E2F5: variants seen among roughly 807,000 people sequenced by gnomAD.
The protein encoded by E2F5 is E2F transcription factor 5, also known as transcription factor E2F5.
A neutral mutation model predicts 39.1 loss-of-function variants in E2F5; 23 were observed. The observed-to-expected ratio is 0.59, with a 90% confidence interval of 0.42 to 0.83. The LOEUF is 0.83. E2F5 is among the 40% of genes least tolerant of loss of function. The pLI is 0.00. For missense variants in E2F5, 365 were observed against 406.7 expected, an observed-to-expected ratio of 0.90 and a Z score of 0.88; for synonymous variants, 145 against 157.8, an observed-to-expected ratio of 0.92 and a Z score of 0.61.
At chr8:85,212,079 G>C in intron 6 of E2F5, 78 bp from the exon 7 acceptor site, 1 of 1,119,740 alleles carries the variant, frequency 8.9e-7, no homozygotes, top group Non-Finnish European at 1.3e-6. Flanking sequence ...TCAAGCTGCT[G>C]CTGTGACTAC....
chr8:85,206,177 A>C lies in E2F5; in HGVS notation c.507A>C (p.Arg169Ser). 2 of 1,613,092 alleles carry C rather than the reference A, an allele frequency of 1.2e-6. No individual in the cohort carries two copies. The highest frequency in any genetic ancestry group is 1.1e-5 in the South Asian group (1 of 91,052). ...KNVMDDSINNRFSYVTHEDIC... is the reference protein window; with the variant it reads ...KNVMDDSINNSFSYVTHEDIC... Reference sequence around the variant, plus strand: ...CGTTCCTTAACTCCTATGACAGTACATTTTCCTATGTAACTCATGAAGACA... The same window carrying C: ...CGTTCCTTAACTCCTATGACAGTACCTTTTCCTATGTAACTCATGAAGACA... Residue 169 changes from arginine (R) to serine (S), a missense_variant and splice_region_variant, in exon 4 of 8, where the codon AGA becomes AGC. By Grantham distance (110) the Arg-to-Ser change is moderately radical (BLOSUM62 -1). Coordinates refer to ENST00000416274, the MANE Select transcript of E2F5 (RefSeq NM_001951.4).
At chr8:85,186,813 G>T (rs1445416569) in intron 1 of E2F5, among the ~76,000 whole-genome samples, 1 of 145,874 alleles carries the variant, frequency 6.9e-6, no homozygotes, top group Non-Finnish European at 1.5e-5. Context: ...GTATATATAA[G>T]GTGTATATAT....
intron 5 of E2F5, 42 bp from the exon 6 acceptor site, chr8:85,209,100 T>C (rs1366556121): frequency 3.2e-6 from 5 of 1,585,730 alleles, no homozygotes; most frequent in Non-Finnish European, 4.3e-6. Flanking sequence ...TAGCTAGAAA[T>C]GTTAATAATT....
chr8:85,190,272 C>T (rs527722554), intron 1 of E2F5, among the ~76,000 whole-genome samples: 2 of 152,108 alleles, frequency 1.3e-5, no homozygotes, highest in South Asian at 4.2e-4. Context: ...CCCACCACCA[C>T]CACTGCACCA....
At chr8:85,212,057 T>G (rs1812935962) in intron 6 of E2F5, 100 bp from the exon 7 acceptor site, 1 of 864,236 alleles carries the variant, frequency 1.2e-6, no homozygotes, top group African/African-American at 1.7e-5. Context: ...TTTAAATAAA[T>G]GTGCATGTCA....
intron 4 of E2F5, 37 bp from the exon 5 acceptor site, chr8:85,207,388 G>GT (rs752431189): frequency 6.6e-7 from 1 of 1,525,706 alleles, no homozygotes; most frequent in South Asian, 1.2e-5. Flanking sequence ...ATGATCAACA[G>GT]TATTTTATGT....
chr8:85,195,087 G>A (rs1812552932), intron 1 of E2F5, among the ~76,000 whole-genome samples: 2 of 151,856 alleles, frequency 1.3e-5, no homozygotes, highest in Non-Finnish European at 2.9e-5. Context: ...CTGACAGGGT[G>A]AGGTTAAAAT....
intron 1 of E2F5, among the ~76,000 whole-genome samples, chr8:85,184,890 A>G (rs920891963): frequency 6.6e-6 from 1 of 152,242 alleles, no homozygotes; most frequent in African/African-American, 2.4e-5. Context: ...AAAACATTCT[A>G]TGCTCATGGA....
chr8:85,199,713 TC>T (rs1445850171), intron 1 of E2F5, among the ~76,000 whole-genome samples: 1 of 152,200 alleles, frequency 6.6e-6, no homozygotes, highest in African/African-American at 2.4e-5. Flanking sequence ...TTACCCACGA[TC>T]CGTTTCAACC....
intron 6 of E2F5, 135 bp downstream of exon 6, chr8:85,209,544 T>C (rs759248447): frequency 8.2e-5 from 89 of 1,090,634 alleles, no homozygotes; most frequent in Non-Finnish European, 1.1e-4. Flanking sequence ...ATATACATAA[T>C]AACATATCTT....
chr8:85,205,472 TGG>T (rs1256896943), intron 3 of E2F5, among the ~76,000 whole-genome samples: 1 of 152,154 alleles, frequency 6.6e-6, no homozygotes, highest in Non-Finnish European at 1.5e-5. Context: ...TGTCCATGTG[TGG>T]CAGCCCCTCT....
At chr8:85,210,153 A>G (rs751553825) in intron 6 of E2F5, among the ~76,000 whole-genome samples, 6 of 152,256 alleles carry the variant, frequency 3.9e-5, no homozygotes, top group Admixed American at 2.6e-4. Flanking sequence ...AATGGTGCCA[A>G]TATAGACATC....
intron 6 of E2F5, among the ~76,000 whole-genome samples, chr8:85,209,900 T>G (rs1812880248): frequency 6.6e-6 from 1 of 152,260 alleles, no homozygotes. Flanking sequence ...CCATATTCTT[T>G]GTTATACTTT....
At chr8:85,188,360 A>AT (rs1189613149) in intron 1 of E2F5, among the ~76,000 whole-genome samples, 6 of 103,046 alleles carry the variant, frequency 5.8e-5, no homozygotes, top group Non-Finnish European at 1.2e-4. Context: ...TCCCTTTACC[A>AT]TTTTTTGTAA....
intron 7 of E2F5, 130 bp from the exon 8 acceptor site, chr8:85,213,619 CTAAA>C (rs1372313938): frequency 1.4e-5 from 5 of 350,792 alleles, no homozygotes; most frequent in Non-Finnish European, 2.7e-5. Flanking sequence ...CAAATTGTTA[CTAAA>C]TGAGAATATT....
At chr8:85,192,202 G>A (rs1432095299) in intron 1 of E2F5, among the ~76,000 whole-genome samples, 3 of 152,164 alleles carry the variant, frequency 2.0e-5, no homozygotes, top group Non-Finnish European at 4.4e-5. Context: ...CTTGGTAAAT[G>A]GAGTAGATAG....
Position 85,177,429 on chromosome 8 carries a change from G to T in E2F5, c.9G>T (p.Ala3=), listed in dbSNP as rs1265857899. Residue 3 remains alanine, a synonymous_variant, in exon 1 of 8, where the codon GCG becomes GCT. Transcript: ENST00000416274. The part of the protein sequence containing the change: MA[A]AEPASSGQQA... ...CGCGGGGCCGGGACGCGATGGCGGC[G>T]GCAGAGCCCGCGAGCTCGGGCCAGC... is the stretch of plus-strand genomic sequence containing the variant. The T allele has an allele frequency of 2.0e-6, 2 of 989,890 alleles. No homozygotes were observed. Among genetic ancestry groups the T allele is most frequent in the South Asian group, 4.5e-5 (1 of 22,022 alleles). The allele number at this position is 989,890 out of a possible 1,614,324, so 61.3% of individuals were successfully genotyped here.
chr8:85,213,185 A>C (rs1812980795), intron 7 of E2F5: 2 of 149,784 alleles, frequency 1.3e-5, no homozygotes, highest in Admixed American at 1.3e-4. Context: ...GGCATGAGCC[A>C]CTGCACCTGG....
chr8:85,180,498 TAAAG>T (rs971283865), intron 1 of E2F5, among the ~76,000 whole-genome samples: 5 of 125,130 alleles, frequency 4.0e-5, no homozygotes, highest in African/African-American at 5.8e-5. Flanking sequence ...TAAACGCAGT[TAAAG>T]AAACTATACA....
Sources: allele counts gnomAD v4.1 joint callset (sites outside exome capture counted in the v4.1 genomes callset), GRCh38; gene constraint gnomAD v4.1.1; transcripts MANE v1.5; gene names NCBI Gene and HGNC (gene_info 2026-07-23, HGNC 2026-07-21).